TRHDE: variants seen among roughly 807,000 people sequenced by gnomAD.
TRHDE encodes the protein thyrotropin-releasing hormone-degrading ectoenzyme.
TRHDE carries 72 observed loss-of-function variants against 125.7 expected under a neutral mutation model. That is an observed-to-expected ratio of 0.57 (90% CI 0.47 to 0.70). The LOEUF (loss-of-function observed/expected upper bound fraction) is 0.70, where lower values mean the gene tolerates loss of function less well. TRHDE is among the 30% of genes least tolerant of loss of function. The pLI, the probability that TRHDE is intolerant of heterozygous loss-of-function variation, is 0.00. For missense variants in TRHDE, 1,110 were observed against 1,327.1 expected (o/e 0.84, Z 2.54); for synonymous variants, 509 against 509.1 (o/e 1.00, Z 0.00).
rs938370021 is a variant in TRHDE, at chr12:72,666,802, G to A, written c.*3607G>A. The A allele has an allele frequency of 2.6e-5, 4 of 152,028 alleles. No homozygotes were observed. The highest frequency in any genetic ancestry group is 5.9e-5 in the Non-Finnish European group (4 of 67,976). The allele number at this position is 152,028 out of a possible 1,614,324, so 9.4% of individuals were successfully genotyped here. On this transcript the variant is annotated 3_prime_UTR_variant, in exon 19 of 19. Transcript: ENST00000261180. ...AGGATGTTAAACAACTGGATGAAAT[G>A]TTATGATTTAATTTGGTCAGTATAA...
chr12:72,323,826 G>A (rs2135712870), intron 2 of TRHDE, among the ~76,000 whole-genome samples: 1 of 92,348 alleles, frequency 1.1e-5, no homozygotes. Flanking sequence ...ATTATGGAGC[G>A]AGAGAGAAAG....
intron 2 of TRHDE, among the ~76,000 whole-genome samples, chr12:72,135,177 C>A (rs992634259): frequency 6.6e-6 from 1 of 152,228 alleles, no homozygotes; most frequent in African/African-American, 2.4e-5. Context: ...AAAATTGGCA[C>A]TGAAGTGTCA....
chr12:72,202,417 T>C (rs7311580), intron 2 of TRHDE, among the ~76,000 whole-genome samples: 12,522 of 152,274 alleles, frequency 0.082, 702 homozygotes, highest in African/African-American at 0.15. Context: ...AATACTTTTC[T>C]AAATTAATTT....
In TRHDE at chr12:72,199,877, G is replaced by A. The variant is rs539112139; in HGVS notation, n.279+94125G>A. Among the ~76,000 whole-genome samples the A allele has an allele frequency of 3.3e-5, 5 of 152,254 alleles. No individual in the cohort carries two copies. The South Asian group carries it at 6.2e-4, about 19-fold the overall frequency. ...ACACTATTTTCATGTTTGGATCCTA[G>A]TATGAATTTAAATTCTAAAGGGCTA... is the stretch of plus-strand genomic sequence containing the variant. On this transcript the variant is annotated intron_variant and non_coding_transcript_variant, in intron 2 of 4. Coordinates refer to the TRHDE transcript ENST00000548156.
At chr12:72,474,638 C>T (rs1035632375) in intron 5 of TRHDE, among the ~76,000 whole-genome samples, 2 of 152,090 alleles carry the variant, frequency 1.3e-5, no homozygotes, top group Non-Finnish European at 2.9e-5. Context: ...TGCGTGTATA[C>T]ACCACATTTT....
chr12:72,389,915 G>C (rs552116197), intron 3 of TRHDE, among the ~76,000 whole-genome samples: 1 of 152,268 alleles, frequency 6.6e-6, no homozygotes, highest in South Asian at 2.1e-4. Flanking sequence ...AGAAATAATG[G>C]TATATGGGAC....
intron 12 of TRHDE, among the ~76,000 whole-genome samples, chr12:72,584,322 A>T (rs1871358767): frequency 6.6e-6 from 1 of 152,070 alleles, no homozygotes; most frequent in Non-Finnish European, 1.5e-5. Flanking sequence ...TACAACATGA[A>T]GTTTTGAAGT....
At chr12:72,422,966 T>A (rs1435450932) in intron 3 of TRHDE, among the ~76,000 whole-genome samples, 1 of 152,154 alleles carries the variant, frequency 6.6e-6, no homozygotes, top group Non-Finnish European at 1.5e-5. Context: ...AAATTTATAT[T>A]CATTATAAGT....
intron 12 of TRHDE, among the ~76,000 whole-genome samples, chr12:72,614,480 G>GTCTT (rs1872746494): frequency 3.3e-5 from 5 of 151,486 alleles, no homozygotes; most frequent in Admixed American, 3.3e-4. Flanking sequence ...AGCATATAAA[G>GTCTT]TCTTTTAATA....
At chr12:72,332,839 A>G (rs1281908296) in intron 2 of TRHDE, among the ~76,000 whole-genome samples, 2 of 152,144 alleles carry the variant, frequency 1.3e-5, no homozygotes, top group African/African-American at 2.4e-5. Flanking sequence ...GAAATGCAGA[A>G]TCTCTGGTGC....
At chr12:72,261,509 C>T (rs1878949941) in intron 2 of TRHDE, among the ~76,000 whole-genome samples, 1 of 152,124 alleles carries the variant, frequency 6.6e-6, no homozygotes, top group Admixed American at 6.6e-5. Flanking sequence ...GTGATATTTA[C>T]CTACTGCAGA....
chr12:72,124,076 C>A (rs1016241235), intron 2 of TRHDE, among the ~76,000 whole-genome samples: 1 of 152,104 alleles, frequency 6.6e-6, no homozygotes, highest in Non-Finnish European at 1.5e-5. Context: ...AACAACAAAA[C>A]CACTGTGAGA....
At chr12:72,533,723 G>GTTTTTTTTTTTTTTTCTTTTT in intron 6 of TRHDE, among the ~76,000 whole-genome samples, 27 of 97,866 alleles carry the variant, frequency 2.8e-4, no homozygotes, top group African/African-American at 5.7e-4. Context: ...TTTTCTATTT[G>GTTTTTTTTTTTTTTTCTTTTT]TTTTTTTTTT....
chr12:72,380,747 C>CTTCCTTCCTTCCTTCCTTCCTTCT (rs1872117592), intron 3 of TRHDE, among the ~76,000 whole-genome samples: 1 of 95,824 alleles, frequency 1.0e-5, no homozygotes, highest in African/African-American at 6.3e-5. Flanking sequence ...TCCTTCCTTC[C>CTTCCTTCCTTCCTTCCTTCCTTCT]TTCCTTCCTT....
chr12:72,396,625 T>C (rs1872801330), intron 3 of TRHDE, among the ~76,000 whole-genome samples: 2 of 152,088 alleles, frequency 1.3e-5, no homozygotes, highest in Non-Finnish European at 2.9e-5. Flanking sequence ...ATGCCTGTAC[T>C]CCCAGCTACT....
chr12:72,651,414 G>T (rs1019596433), intron 15 of TRHDE, among the ~76,000 whole-genome samples: 3 of 151,886 alleles, frequency 2.0e-5, no homozygotes, highest in African/African-American at 4.8e-5. Context: ...AGAAGGCATT[G>T]TTTGCTTTTG....
chr12:72,433,589 A>T (rs1411554015), intron 3 of TRHDE, among the ~76,000 whole-genome samples: 1 of 152,034 alleles, frequency 6.6e-6, no homozygotes, highest in African/African-American at 2.4e-5. Context: ...AGTGACTGAA[A>T]ATTTAATCTA....
intron 2 of TRHDE, among the ~76,000 whole-genome samples, chr12:72,250,585 A>G (rs1252838086): frequency 1.3e-5 from 2 of 152,040 alleles, no homozygotes; most frequent in Admixed American, 6.6e-5. Context: ...AACTTAAAAA[A>G]TCTTTCTATT....
chr12:72,373,469 A>G (rs1248908793), intron 2 of TRHDE, among the ~76,000 whole-genome samples: 1 of 152,106 alleles, frequency 6.6e-6, no homozygotes, highest in Non-Finnish European at 1.5e-5. Flanking sequence ...GTCTTGAAAA[A>G]CTGGCTGTTT....
Sources: allele counts gnomAD v4.1 joint callset (sites outside exome capture counted in the v4.1 genomes callset), GRCh38; gene constraint gnomAD v4.1.1; transcripts MANE v1.5; gene names NCBI Gene and HGNC (gene_info 2026-07-23, HGNC 2026-07-21).